The following TNFRSF8 variants were observed in gnomAD, a reference collection of about 807,000 sequenced individuals.
The protein encoded by TNFRSF8 is TNF receptor superfamily member 8.
A neutral mutation model predicts 70.8 loss-of-function variants in TNFRSF8; 26 were observed. The ratio of observed to expected loss-of-function variants is 0.37; its 90% CI spans 0.27 to 0.51. The LOEUF is 0.51. Ranked by LOEUF, TNFRSF8 falls within the 20% of genes least tolerant of loss-of-function variation. The probability of loss-of-function intolerance (pLI) is 0.94; values close to 1 mark genes in which losing one functional copy is unlikely to be tolerated. For synonymous variants in TNFRSF8, 356 were observed against 339.2 expected (o/e 1.05, Z -0.54); for missense variants, 720 against 807.9 (o/e 0.89, Z 1.32).
intron 6 of TNFRSF8, among the ~76,000 whole-genome samples, chr1:12,111,136 G>T (rs531208754): frequency 3.7e-4 from 56 of 152,038 alleles, no homozygotes; most frequent in African/African-American, 1.3e-3. Flanking sequence ...ACCTTCTCCC[G>T]CTCCATGGCT....
chr1:12,137,299 C>A (rs1232547031), intron 13 of TNFRSF8, among the ~76,000 whole-genome samples: 1 of 141,562 alleles, frequency 7.1e-6, no homozygotes, highest in African/African-American at 2.6e-5. Context: ...AAAATAAAAC[C>A]ATTTAAAAAG....
chr1:12,075,425 C>T (rs1324780746), intron 1 of TNFRSF8, among the ~76,000 whole-genome samples: 1 of 152,084 alleles, frequency 6.6e-6, no homozygotes, highest in Non-Finnish European at 1.5e-5. Context: ...GTAGCCCCAG[C>T]ATTTGATGAA....
At chr1:12,117,001 A>G (rs1641743343) in intron 8 of TNFRSF8, among the ~76,000 whole-genome samples, 2 of 152,154 alleles carry the variant, frequency 1.3e-5, no homozygotes, top group South Asian at 4.2e-4. Context: ...CACAACTTCA[A>G]AATGTATTAC....
intron 1 of TNFRSF8, chr1:12,080,620 C>G: frequency 3.5e-6 from 1 of 286,720 alleles, no homozygotes; most frequent in Non-Finnish European, 6.9e-6. Flanking sequence ...TGCAATGGTG[C>G]GTTCTTGGCT....
rs375892941 is a variant in TNFRSF8, at chr1:12,124,811, C to A, written c.1153+984C>A. Among the ~76,000 whole-genome samples, 5 of 145,920 alleles carry A rather than the reference C, an allele frequency of 3.4e-5. No individual in the cohort carries two copies. In the East Asian group the frequency reaches 9.7e-4, roughly 28 times the overall value. On this transcript the variant is annotated intron_variant, in intron 10 of 14. Coordinates refer to ENST00000263932, the MANE Select transcript of TNFRSF8 (RefSeq NM_001243.5). ...CACCGCTGCACTCCAGCCTGAGCAG[C>A]AGAATGAGAATCAGTCTCAAACAAA...
At chr1:12,080,185 G>A in intron 1 of TNFRSF8, 1 of 471,948 alleles carries the variant, frequency 2.1e-6, no homozygotes, top group Middle Eastern at 7.7e-4. Context: ...CTGACCTCAG[G>A]TGATCTGCTG....
chr1:12,072,074 G>T (rs950481587), intron 1 of TNFRSF8, among the ~76,000 whole-genome samples: 1 of 152,178 alleles, frequency 6.6e-6, no homozygotes, highest in Non-Finnish European at 1.5e-5. Context: ...ACTAGATGGT[G>T]ACTTGAGCAA....
intron 2 of TNFRSF8, among the ~76,000 whole-genome samples, chr1:12,092,657 G>C (rs1021371940): frequency 2.0e-5 from 3 of 151,324 alleles, no homozygotes; most frequent in Non-Finnish European, 4.4e-5. Flanking sequence ...ACAGGCGCCC[G>C]CCACCACACC....
At chr1:12,071,645 C>A (rs1640848330) in intron 1 of TNFRSF8, among the ~76,000 whole-genome samples, 1 of 152,008 alleles carries the variant, frequency 6.6e-6, no homozygotes, top group Non-Finnish European at 1.5e-5. Context: ...CTCACTGCAA[C>A]CTCCACCTCC....
chr1:12,118,937 C>T (rs1318408809), intron 8 of TNFRSF8, among the ~76,000 whole-genome samples: 2 of 151,966 alleles, frequency 1.3e-5, no homozygotes, highest in East Asian at 1.9e-4. Context: ...CGATCTTGGC[C>T]CACCACAACC....
chr1:12,082,549 CAA>C (rs34818321), intron 1 of TNFRSF8, among the ~76,000 whole-genome samples: 4 of 121,246 alleles, frequency 3.3e-5, no homozygotes, highest in Non-Finnish European at 5.2e-5. Flanking sequence ...GACCCTGTCT[CAA>C]AAAAAAAAAA....
intron 2 of TNFRSF8, among the ~76,000 whole-genome samples, chr1:12,090,480 G>C (rs1348260433): frequency 4.4e-5 from 4 of 90,876 alleles, no homozygotes; most frequent in South Asian, 4.0e-4. Flanking sequence ...ATCCATCCAC[G>C]TACCCACTCA....
In TNFRSF8 at chr1:12,110,757, C is replaced by T. The variant is rs1270087358; in HGVS notation, c.676+553C>T. Among the ~76,000 whole-genome samples the T allele has an allele frequency of 2.6e-5, 4 of 151,878 alleles. No homozygotes were observed. The highest frequency in any genetic ancestry group is 5.9e-5 in the Non-Finnish European group (4 of 67,952). ...GGGATTACAGGTGCCCACCACCACG[C>T]CTGGCTAACTTTGTATTTTTAGTAG... On this transcript the variant is annotated intron_variant, in intron 6 of 14. Transcript: ENST00000263932. This position sits in a 1 kb window ranked among gnomAD's most constrained non-coding sequence, Gnocchi z 4.0.
At position 12,115,676 on chromosome 1, in the gene TNFRSF8, C is replaced by A; in HGVS notation, c.893C>A (p.Ala298Asp). 6.2e-7 allele frequency: 1 copy of A among 1,614,182 alleles called. No homozygotes were observed. Among genetic ancestry groups the A allele is most frequent in the African/African-American group, 1.3e-5 (1 of 75,038 alleles). ...ICATSATNSC[A>D]RCVPYPICAA... Reference sequence around the variant, plus strand: ...GCCACATCAGCCACCAACTCCTGTGCCCGCTGTGTCCCCTACCCAATCTGT... The same window carrying A: ...GCCACATCAGCCACCAACTCCTGTGACCGCTGTGTCCCCTACCCAATCTGT... Residue 298 changes from alanine to aspartate, a missense_variant, in exon 8 of 15, where the codon GCC becomes GAC. Coordinates refer to ENST00000263932, the MANE Select transcript of TNFRSF8 (RefSeq NM_001243.5).
chr1:12,107,084 C>G (rs11121863), intron 4 of TNFRSF8, among the ~76,000 whole-genome samples: 1 of 152,206 alleles, frequency 6.6e-6, no homozygotes, highest in Non-Finnish European at 1.5e-5. Context: ...GCCCGTGGCA[C>G]GTGGCCACGC....
At chr1:12,084,124 A>G (rs1641111647) in intron 1 of TNFRSF8, among the ~76,000 whole-genome samples, 1 of 152,214 alleles carries the variant, frequency 6.6e-6, no homozygotes, top group Non-Finnish European at 1.5e-5. Context: ...GGCCCATCCC[A>G]GAGACAAGGT....
chr1:12,126,104 G>A, intron 11 of TNFRSF8, 52 bp downstream of exon 11: 1 of 1,612,230 alleles, frequency 6.2e-7, no homozygotes, highest in African/African-American at 1.3e-5. Flanking sequence ...CTCTCTGCCA[G>A]CCTGGCCTGG....
intron 9 of TNFRSF8, 102 bp from the exon 10 acceptor site, chr1:12,123,613 C>A: frequency 8.9e-7 from 1 of 1,121,430 alleles, no homozygotes; most frequent in Non-Finnish European, 1.3e-6. Context: ...ATCTAGGGGC[C>A]CAGGCTCTGG....
intron 1 of TNFRSF8, among the ~76,000 whole-genome samples, chr1:12,069,988 G>GT (rs1640813725): frequency 5.3e-5 from 8 of 152,242 alleles, no homozygotes; most frequent in Admixed American, 1.3e-4. Flanking sequence ...GGAACAGGAA[G>GT]GAGGCCGGGG....
Sources: allele counts gnomAD v4.1 joint callset (sites outside exome capture counted in the v4.1 genomes callset), GRCh38; gene constraint gnomAD v4.1.1; non-coding constraint Gnocchi (gnomAD v3.1); transcripts MANE v1.5; gene names NCBI Gene and HGNC (gene_info 2026-07-23, HGNC 2026-07-21).